Variants in HEATR1 observed in about 807,000 individuals in gnomAD.
HEATR1 encodes the protein HEAT repeat containing 1.
In HEATR1, 77 loss-of-function variants were observed where a neutral mutation model predicts 248.2. That is an observed-to-expected ratio of 0.31 (90% CI 0.26 to 0.37). The LOEUF (loss-of-function observed/expected upper bound fraction) is 0.37, where lower values mean the gene tolerates loss of function less well. Ranked by LOEUF, HEATR1 falls within the 10% of genes least tolerant of loss-of-function variation. The pLI is 1.00. For synonymous variants in HEATR1, 897 were observed against 923.1 expected, an observed-to-expected ratio of 0.97 and a Z score of 0.51; for missense variants, 2,420 against 2,504.9, an observed-to-expected ratio of 0.97 and a Z score of 0.72.
rs138730984 is a variant in HEATR1, at chr1:236,557,399, G to A, written c.5205-54C>T. On this transcript the variant is annotated intron_variant, in intron 36 of 44. Coordinates refer to ENST00000366582, the MANE Select transcript of HEATR1 (RefSeq NM_018072.6). The stretch of plus-strand genomic sequence containing the variant: ...ACTTGAAGCAGAAACAGAGGCTAGG[G>A]AATGGAGTAGAGGGCATTATGAAAA... 3.1e-5 allele frequency: 49 copies of A among 1,590,316 alleles called. No homozygotes were observed. In the East Asian group the frequency reaches 1.0e-3, roughly 33 times the overall value.
Position 236,604,405 on chromosome 1 carries a change from G to T in HEATR1, c.-33+17C>A. The T allele has an allele frequency of 3.8e-6, 1 of 262,514 alleles. No individual in the cohort carries two copies. The highest frequency in any genetic ancestry group is 7.1e-6 in the Non-Finnish European group (1 of 141,294). 16.3% of individuals were successfully genotyped at this position (262,514 alleles called of 1,614,324 possible). On this transcript the variant is annotated intron_variant, in intron 1 of 44. Coordinates refer to ENST00000366582, the MANE Select transcript of HEATR1 (RefSeq NM_018072.6). ...GCCCCCATCCGCAGCCACATCAAGC[G>T]GCTCTGTGCCGCTTACCTGGAACTG... is the stretch of plus-strand genomic sequence containing the variant.
rs531552742 is a variant in HEATR1 at position 236,583,256 on chromosome 1, T to C, written c.2242-60A>G. On this transcript the variant is annotated intron_variant, in intron 17 of 44. Transcript: ENST00000366582. ...CTAAGGGTTCTGAACATGGGTTATA[T>C]GAATTCCTCTGCATAATATGCAAAA... 8.1e-5 allele frequency: 114 copies of C among 1,399,958 alleles called. No homozygotes were observed. The African/African-American group carries it at 1.4e-3, about 18-fold the overall frequency. The allele number at this position is 1,399,958 out of a possible 1,614,324, so 86.7% of individuals were successfully genotyped here.
chr1:236,555,611 G>A lies in HEATR1; in HGVS notation c.5694C>T (p.Asp1898=), dbSNP rs1353872172. ...GTTTGACAACCATGGCTACTAGACA[G>A]TCAATGATACAATTTTCCGTTTTTC... ...EVGKTENCII[D]CLVAMVVKLS... The change falls in exon 40 of 45, where the codon GAC becomes GAT. Residue 1898 remains aspartate (D), a synonymous_variant. Transcript: ENST00000366582. 28 of 1,614,114 alleles carry A rather than the reference G, an allele frequency of 1.7e-5. No homozygotes were observed. The highest frequency in any genetic ancestry group is 2.2e-5 in the Non-Finnish European group (26 of 1,180,054).
intron 20 of HEATR1, among the ~76,000 whole-genome samples, chr1:236,581,005 A>G (rs1208648580): frequency 2.6e-5 from 4 of 151,530 alleles, no homozygotes; most frequent in Non-Finnish European, 5.9e-5. Context: ...TTTTTAGTAG[A>G]GACGGGGTTT....
intron 17 of HEATR1, among the ~76,000 whole-genome samples, chr1:236,583,716 T>TC (rs1275734052): frequency 6.6e-6 from 1 of 151,962 alleles, no homozygotes; most frequent in African/African-American, 2.4e-5. Context: ...CGAACTCCTG[T>TC]CCTCAGATGA....
intron 29 of HEATR1, among the ~76,000 whole-genome samples, chr1:236,567,211 C>A (rs868071090): frequency 5.3e-5 from 8 of 152,076 alleles, no homozygotes; most frequent in Non-Finnish European, 8.8e-5. Context: ...AAACTCCTGG[C>A]CTCAAATAAT....
intron 44 of HEATR1, chr1:236,551,738 A>G (rs990438162): frequency 5.5e-6 from 2 of 365,986 alleles, no homozygotes; most frequent in Middle Eastern, 7.6e-4. Context: ...AACCACCACA[A>G]AAGAAAAGAT....
chr1:236,596,325 A>G (rs1275624965), intron 6 of HEATR1, among the ~76,000 whole-genome samples: 1 of 152,204 alleles, frequency 6.6e-6, no homozygotes, highest in Non-Finnish European at 1.5e-5. Flanking sequence ...TTTTATACAT[A>G]AAATCCTACT....
At position 236,561,227 on chromosome 1, in the gene HEATR1, C is replaced by T. The variant is rs1421997561; in HGVS notation, c.4644G>A (p.Glu1548=). ...TAGAAAAAGAAAAGGAAACATACCT[C>T]TCTTCAAGGCCTTTTAAAATCTCAG... ...GGPEILKGLE[E]RLLETVLGYI... is the part of the protein sequence containing the mutation. Residue 1548 remains glutamate (E), a splice_region_variant and synonymous_variant, in exon 33 of 45, where the codon GAG becomes GAA. Coordinates refer to ENST00000366582, the MANE Select transcript of HEATR1 (RefSeq NM_018072.6). 3.7e-6 allele frequency: 6 copies of T among 1,604,716 alleles called. No homozygotes were observed. The highest frequency in any genetic ancestry group is 5.1e-6 in the Non-Finnish European group (6 of 1,172,158).
chr1:236,592,651 G>GTTGTTTATCTTTAGTGTTTTTC lies in HEATR1; in HGVS notation c.1194-19_1194-18insGAAAAACACTAAAGATAAACAA, dbSNP rs771816289. ...ATAGAAGGCTGTAAAAAAAAAAACA[G>GTTGTTTATCTTTAGTGTTTTTC]AAATATCAGCATACATAAGAGTTAC... On this transcript the variant is annotated intron_variant, in intron 9 of 44. Coordinates refer to ENST00000366582, the MANE Select transcript of HEATR1 (RefSeq NM_018072.6). 4 of 970,608 alleles carry GTTGTTTATCTTTAGTGTTTTTC rather than the reference G, an allele frequency of 4.1e-6. No individual in the cohort carries two copies. In the Admixed American group the frequency reaches 8.5e-5, roughly 21 times the overall value. The allele number at this position is 970,608 out of a possible 1,614,324, so 60.1% of individuals were successfully genotyped here.
intron 42 of HEATR1, 24 bp downstream of exon 42, chr1:236,554,574 C>G (rs370307768): frequency 1.2e-6 from 2 of 1,605,774 alleles, no homozygotes; most frequent in Admixed American, 3.4e-5. Context: ...TCCTCAGCAA[C>G]GAAAGATGAT....
chr1:236,567,397 G>A (rs1442594173), intron 29 of HEATR1, among the ~76,000 whole-genome samples: 3 of 152,168 alleles, frequency 2.0e-5, no homozygotes, highest in Admixed American at 1.3e-4. Context: ...TGCCCCAAAG[G>A]AGATTTATTT....
intron 10 of HEATR1, 53 bp downstream of exon 10, chr1:236,592,470 T>C: frequency 1.3e-6 from 1 of 761,226 alleles, no homozygotes; most frequent in South Asian, 1.5e-5. Flanking sequence ...GAATCATATC[T>C]TTATAGAACA....
At position 236,592,044 on chromosome 1, in the gene HEATR1, T is replaced by A; in HGVS notation, c.1371A>T (p.Gln457His). The change falls in exon 11 of 45, where the codon CAA becomes CAT. Residue 457 changes from glutamine to histidine, a missense_variant. Physicochemically the swap from Gln to His is conservative, Grantham distance 24 (BLOSUM62 0). Transcript: ENST00000366582. ...GAGAAACAAACTGATGGAAAAGCTC[T>A]TGTTTTTTCAGATCTGCAATTTCCT... ...HLKEIADLKKQELFHQFVSLS... is the reference protein window; with the variant it reads ...HLKEIADLKKHELFHQFVSLS... 1 of 1,609,592 alleles carries A rather than the reference T, an allele frequency of 6.2e-7. No homozygotes were observed. Among genetic ancestry groups the A allele is most frequent in the Non-Finnish European group, 8.5e-7 (1 of 1,176,634 alleles).
At chr1:236,597,755 C>T (rs969907552) in intron 5 of HEATR1, 123 bp downstream of exon 5, 3 of 603,990 alleles carry the variant, frequency 5.0e-6, no homozygotes, top group East Asian at 2.9e-5. Context: ...AAACACCAGA[C>T]CATTTAACAA....
At chr1:236,559,917 T>C in intron 33 of HEATR1, 80 bp from the exon 34 acceptor site, 3 of 1,384,158 alleles carry the variant, frequency 2.2e-6, no homozygotes, top group South Asian at 1.5e-5. Flanking sequence ...ATGCTAAATG[T>C]TTCAAGTAGA....
chr1:236,576,135 C>G (rs780284945), intron 22 of HEATR1, 84 bp downstream of exon 22: 1 of 1,064,344 alleles, frequency 9.4e-7, no homozygotes, highest in Non-Finnish European at 1.3e-6. Flanking sequence ...GCAACTCTTA[C>G]AATTGTCTTC....
chr1:236,595,523 A>C lies in HEATR1; in HGVS notation c.1090+17T>G, dbSNP rs777321476. 1 of 1,585,342 alleles carries C rather than the reference A, an allele frequency of 6.3e-7. No individual in the cohort carries two copies. Among genetic ancestry groups the C allele is most frequent in the Non-Finnish European group, 8.6e-7 (1 of 1,167,910 alleles). Reference sequence around the variant, plus strand: ...AATCTTAGAAAATTTCTGGACAAAAAATATAAAACCACACACCTGTAACAT... The same window carrying C: ...AATCTTAGAAAATTTCTGGACAAAACATATAAAACCACACACCTGTAACAT... On this transcript the variant is annotated intron_variant, in intron 8 of 44. Coordinates refer to ENST00000366582, the MANE Select transcript of HEATR1 (RefSeq NM_018072.6).
At chr1:236,586,735 TA>T (rs371217195) in intron 14 of HEATR1, among the ~76,000 whole-genome samples, 31 of 149,802 alleles carry the variant, frequency 2.1e-4, no homozygotes, top group Middle Eastern at 3.5e-3. Flanking sequence ...TGTCTAATCT[TA>T]AAAAAAAAAT....
Sources: allele counts gnomAD v4.1 joint callset (sites outside exome capture counted in the v4.1 genomes callset), GRCh38; gene constraint gnomAD v4.1.1; transcripts MANE v1.5; gene names NCBI Gene and HGNC (gene_info 2026-07-23, HGNC 2026-07-21).